SOS2: variants seen among roughly 807,000 people sequenced by gnomAD.
SOS2 encodes son of sevenless homolog 2.
In SOS2, 65 loss-of-function variants were observed where a neutral mutation model predicts 148.2. That is an observed-to-expected ratio of 0.44 (90% confidence interval 0.36 to 0.54). SOS2 has a LOEUF of 0.54. SOS2 is among the 20% of genes least tolerant of loss of function. The probability of loss-of-function intolerance (pLI) is 0.00; values close to 1 mark genes in which losing one functional copy is unlikely to be tolerated. For missense variants in SOS2, 1,341 were observed against 1,590.2 expected (o/e 0.84, Z 2.67); for synonymous variants, 539 against 537.1 (o/e 1.00, Z -0.05).
rs1179515891 is a variant in SOS2 at position 50,209,321 on chromosome 14, G to GTGTGTGTGTC, written c.88-4913_88-4912insGACACACACA. 2.7e-3 allele frequency among the ~76,000 whole-genome samples: 389 copies of GTGTGTGTGTC among 141,826 alleles called. 4 individuals carry two copies. Among genetic ancestry groups the GTGTGTGTGTC allele is most frequent in the Middle Eastern group, 3.5e-3 (1 of 282 alleles). 93.0% of individuals were successfully genotyped at this position (141,826 alleles called of 152,430 possible). A position where few individuals can be genotyped will look rare whatever the true frequency, so the allele number is the denominator to read the frequency against. ...TGTGTGTGTGTGTGTGTGTGTGTGT[G>GTGTGTGTGTC]TCTCCTATTGGTTCTGCTTCTCTGA... is the stretch of plus-strand genomic sequence containing the variant. On this transcript the variant is annotated intron_variant, in intron 1 of 22. Coordinates refer to ENST00000216373, the MANE Select transcript of SOS2 (RefSeq NM_006939.4).
intron 1 of SOS2, among the ~76,000 whole-genome samples, chr14:50,229,914 A>C (rs148446169): frequency 2.7e-4 from 41 of 152,296 alleles, no homozygotes; most frequent in African/African-American, 9.4e-4. Flanking sequence ...ACCACTCAGC[A>C]CACTTTTCAT....
At chr14:50,141,203 CAAAAAAAAAAA>C (rs71118844) in intron 16 of SOS2, among the ~76,000 whole-genome samples, 12 of 30,582 alleles carry the variant, frequency 3.9e-4, no homozygotes, top group African/African-American at 1.0e-3. Context: ...GACTCTGTCT[CAAAAAAAAAAA>C]AAAAAAAAAA....
intron 1 of SOS2, 185 bp downstream of exon 1, chr14:50,231,012 C>CAA (rs143575536): frequency 2.1e-3 from 1,106 of 525,766 alleles, no homozygotes; most frequent in Middle Eastern, 4.4e-3. Flanking sequence ...CGGGACCAGG[C>CAA]AAAAAAAAAA....
intron 4 of SOS2, among the ~76,000 whole-genome samples, chr14:50,189,155 G>A (rs1339717499): frequency 6.7e-6 from 1 of 148,684 alleles, no homozygotes; most frequent in Non-Finnish European, 1.5e-5. Context: ...AAATTTATAT[G>A]ATAAAACCTA....
At chr14:50,129,363 GGT>G (rs1345831981) in intron 21 of SOS2, among the ~76,000 whole-genome samples, 2 of 152,028 alleles carry the variant, frequency 1.3e-5, no homozygotes, top group African/African-American at 4.8e-5. Context: ...TATTTTAGAT[GGT>G]GTTTTTTTGT....
At chr14:50,159,331 G>A in intron 10 of SOS2, 100 bp downstream of exon 10, 1 of 648,754 alleles carries the variant, frequency 1.5e-6, no homozygotes, top group South Asian at 2.8e-5. Context: ...TATTTTGGAG[G>A]CAATCCATTT....
chr14:50,160,347 T>TA (rs1884956372), intron 9 of SOS2, among the ~76,000 whole-genome samples: 1 of 149,040 alleles, frequency 6.7e-6, no homozygotes, highest in Admixed American at 6.7e-5. Flanking sequence ...AAACATTTAT[T>TA]AAGTCTATCC....
intron 1 of SOS2, among the ~76,000 whole-genome samples, chr14:50,209,097 T>C (rs1190389883): frequency 6.6e-6 from 1 of 152,134 alleles, no homozygotes; most frequent in Non-Finnish European, 1.5e-5. Flanking sequence ...GGGACACCGG[T>C]CTTCTGCCTT....
intron 13 of SOS2, 130 bp downstream of exon 13, chr14:50,152,940 G>A: frequency 3.9e-6 from 2 of 514,148 alleles, no homozygotes; most frequent in Non-Finnish European, 7.1e-6. Context: ...ACTCCAGCCT[G>A]GACAACAAAG....
At position 50,189,331 on chromosome 14, in the gene SOS2, C is replaced by CAAA. The variant is rs761860061; in HGVS notation, c.511-634_511-632dup. 1.0e-3 allele frequency among the ~76,000 whole-genome samples: 33 copies of CAAA among 31,470 alleles called. 3 individuals are homozygous for CAAA. Among genetic ancestry groups the CAAA allele is most frequent in the Non-Finnish European group, 1.3e-3 (19 of 15,182 alleles). 20.6% of individuals were successfully genotyped at this position (31,470 alleles called of 152,430 possible). On this transcript the variant is annotated intron_variant, in intron 4 of 22. Coordinates refer to ENST00000216373, the MANE Select transcript of SOS2 (RefSeq NM_006939.4). The stretch of plus-strand genomic sequence containing the variant: ...ACACACACACACACACACATAATAG[C>CAAA]AAAAAAAAAAAAAAAAAGCAAGCCT...
intron 7 of SOS2, among the ~76,000 whole-genome samples, chr14:50,178,561 TCAAGTGATCCTCCTGCCTC>T (rs1005094707): frequency 7.3e-5 from 11 of 151,438 alleles, no homozygotes; most frequent in East Asian, 5.8e-4. Flanking sequence ...CCTCCTGGGT[TCAAGTGATCCTCCTGCCTC>T]CAAGTGATCC....
chr14:50,172,521 T>C (rs1438497796), intron 8 of SOS2, among the ~76,000 whole-genome samples: 5 of 148,062 alleles, frequency 3.4e-5, no homozygotes, highest in African/African-American at 1.2e-4. Context: ...CCACCACCCC[T>C]AGCTAATTTT....
At chr14:50,218,822 A>G (rs1396117013) in intron 1 of SOS2, among the ~76,000 whole-genome samples, 1 of 152,154 alleles carries the variant, frequency 6.6e-6, no homozygotes, top group East Asian at 1.9e-4. Context: ...AAGTTTCTTA[A>G]AAAGTTAAGC....
rs529521491 is a variant in SOS2, at chr14:50,174,582, A to G, written c.970-30T>C. ...AAAGCAAAAAGATATCACAGTATGT[A>G]TGTCTCTGACATCAAGGATATGCAA... is the stretch of plus-strand genomic sequence containing the variant. On this transcript the variant is annotated intron_variant, in intron 7 of 22. Coordinates refer to ENST00000216373, the MANE Select transcript of SOS2 (RefSeq NM_006939.4). 159 of 1,369,284 alleles carry G rather than the reference A, an allele frequency of 1.2e-4. No individual in the cohort carries two copies. In the South Asian group the frequency reaches 1.4e-3, roughly 12 times the overall value. 84.8% of individuals were successfully genotyped at this position (1,369,284 alleles called of 1,614,324 possible).
intron 16 of SOS2, among the ~76,000 whole-genome samples, chr14:50,144,914 C>T (rs1884417125): frequency 6.6e-6 from 1 of 151,974 alleles, no homozygotes; most frequent in Non-Finnish European, 1.5e-5. Context: ...AAGTACATTA[C>T]ACGGCAGTGC....
intron 16 of SOS2, among the ~76,000 whole-genome samples, chr14:50,143,329 G>GA (rs11455809): frequency 0.84 from 106,645 of 126,650 alleles, 44,578 homozygotes; most frequent in East Asian, 0.89. Flanking sequence ...GACTCTTTAG[G>GA]AAAAAAAAAA....
chr14:50,146,454 G>A (rs1159172886), intron 14 of SOS2, among the ~76,000 whole-genome samples: 1 of 152,054 alleles, frequency 6.6e-6, no homozygotes, highest in Non-Finnish European at 1.5e-5. Context: ...GAACAGCCTG[G>A]CCAACAAGGC....
At chr14:50,189,305 T>TAC (rs141100073) in intron 4 of SOS2, among the ~76,000 whole-genome samples, 36,776 of 67,876 alleles carry the variant, frequency 0.54, 10,789 homozygotes, top group African/African-American at 0.65. Flanking sequence ...TATACTGTAA[T>TAC]ACACACACAC....
In SOS2 at chr14:50,213,292, A is replaced by G. The variant is rs191701891; in HGVS notation, c.88-8883T>C. 9.6e-3 allele frequency among the ~76,000 whole-genome samples: 1,455 copies of G among 152,310 alleles called. 29 individuals are homozygous for G. The highest frequency in any genetic ancestry group is 0.033 in the African/African-American group (1,375 of 41,564). ...GATAGGATATTTAGAAAACTGGTAA[A>G]AAGTTTGAATTTGGTAATAAGTGTA... On this transcript the variant is annotated intron_variant, in intron 1 of 22. Coordinates refer to ENST00000216373, the MANE Select transcript of SOS2 (RefSeq NM_006939.4).
Sources: gnomAD v4.1 joint callset for allele counts (sites outside exome capture counted in the v4.1 genomes callset) on GRCh38, gnomAD v4.1.1 for gene constraint, MANE v1.5 for transcripts, NCBI Gene and HGNC (gene_info 2026-07-23, HGNC 2026-07-21) for gene names.